The following MEF2A variants were observed in gnomAD, a reference collection of about 807,000 sequenced individuals.
The protein encoded by MEF2A is myocyte-specific enhancer factor 2A.
A neutral mutation model predicts 55.8 loss-of-function variants in MEF2A; 28 were observed. That is an observed-to-expected ratio of 0.50 (90% CI 0.37 to 0.69). The LOEUF is 0.69. Among genes scored for constraint, MEF2A ranks in the 30% least tolerant of loss-of-function variants. The pLI is 0.00. For missense variants in MEF2A, 528 were observed against 626.2 expected, an observed-to-expected ratio of 0.84 and a Z score of 1.67; for synonymous variants, 239 against 227.1, an observed-to-expected ratio of 1.05 and a Z score of -0.47.
At chr15:99,688,808 T>C (rs187761950) in intron 7 of MEF2A, among the ~76,000 whole-genome samples, 210 of 152,236 alleles carry the variant, frequency 1.4e-3, no homozygotes, top group Middle Eastern at 3.4e-3. Context: ...AGGCACAGTT[T>C]AGGGAATGTG....
intron 8 of MEF2A, among the ~76,000 whole-genome samples, chr15:99,695,518 C>T (rs373164316): frequency 1.6e-5 from 2 of 127,592 alleles, no homozygotes; most frequent in Non-Finnish European, 3.5e-5. Flanking sequence ...GGTGAGAAAG[C>T]GTCAGTTAAA....
At chr15:99,663,931 C>T (rs1484545165) in intron 4 of MEF2A, among the ~76,000 whole-genome samples, 2 of 152,118 alleles carry the variant, frequency 1.3e-5, no homozygotes, top group South Asian at 2.1e-4. Context: ...CAAGTGGTAA[C>T]ATATACCCAG....
chr15:99,664,444 C>T (rs1438374678), intron 4 of MEF2A, among the ~76,000 whole-genome samples: 1 of 152,064 alleles, frequency 6.6e-6, no homozygotes, highest in Non-Finnish European at 1.5e-5. Flanking sequence ...GCAAGCACAA[C>T]TGATAATCTT....
intron 2 of MEF2A, among the ~76,000 whole-genome samples, chr15:99,622,595 A>T (rs1179952651): frequency 1.3e-5 from 2 of 152,142 alleles, no homozygotes; most frequent in Non-Finnish European, 2.9e-5. Context: ...TTAACATAGA[A>T]TTTACCACTT....
intron 7 of MEF2A, among the ~76,000 whole-genome samples, chr15:99,689,326 G>A (rs2054907622): frequency 6.6e-6 from 1 of 152,244 alleles, no homozygotes; most frequent in South Asian, 2.1e-4. Context: ...CAGTTAAGAA[G>A]CTGCTCTGAT....
intron 8 of MEF2A, 42 bp from the exon 9 acceptor site, chr15:99,703,320 A>G: frequency 6.2e-7 from 1 of 1,607,072 alleles, no homozygotes; most frequent in African/African-American, 1.3e-5. Context: ...GAGTACCAAC[A>G]GTCTTAGTAA....
intron 5 of MEF2A, among the ~76,000 whole-genome samples, chr15:99,672,913 G>C (rs959051117): frequency 6.6e-6 from 1 of 152,156 alleles, no homozygotes; most frequent in Non-Finnish European, 1.5e-5. Context: ...CATGTCATAG[G>C]TCTTGGCTCC....
chr15:99,624,156 T>A (rs1350669271), intron 2 of MEF2A, among the ~76,000 whole-genome samples: 1 of 152,224 alleles, frequency 6.6e-6, no homozygotes, highest in African/African-American at 2.4e-5. Flanking sequence ...ACTCTGTTGA[T>A]AGTGCCGTTT....
chr15:99,575,754 A>G (rs545321563), intron 1 of MEF2A, among the ~76,000 whole-genome samples: 108 of 152,302 alleles, frequency 7.1e-4, no homozygotes, highest in African/African-American at 2.5e-3. Flanking sequence ...GTGTTTTTCT[A>G]ACCATCGTTC....
intron 2 of MEF2A, among the ~76,000 whole-genome samples, chr15:99,626,653 T>C (rs2042098327): frequency 6.6e-6 from 1 of 152,216 alleles, no homozygotes; most frequent in Admixed American, 6.5e-5. Context: ...TAGAATCAGC[T>C]TATCAATTTC....
chr15:99,642,407 C>T (rs1391267976), intron 3 of MEF2A, among the ~76,000 whole-genome samples: 2 of 152,024 alleles, frequency 1.3e-5, no homozygotes, highest in Non-Finnish European at 2.9e-5. Context: ...TTGCTAAATG[C>T]TCTGGGCTTT....
At chr15:99,689,768 A>G (rs1436298684) in intron 7 of MEF2A, among the ~76,000 whole-genome samples, 1 of 152,240 alleles carries the variant, frequency 6.6e-6, no homozygotes, top group Non-Finnish European at 1.5e-5. Flanking sequence ...GGCGTGAGCC[A>G]CTGCACCTGG....
intron 7 of MEF2A, among the ~76,000 whole-genome samples, chr15:99,675,797 G>A (rs2051880432): frequency 6.6e-6 from 1 of 152,160 alleles, no homozygotes; most frequent in Non-Finnish European, 1.5e-5. Context: ...CAGCACTTTG[G>A]GAGGACGAGG....
intron 3 of MEF2A, among the ~76,000 whole-genome samples, chr15:99,644,109 C>T (rs958475181): frequency 6.6e-6 from 1 of 152,136 alleles, no homozygotes; most frequent in Non-Finnish European, 1.5e-5. Context: ...TCATATAATA[C>T]GTGGAGTATT....
chr15:99,649,297 A>G (rs2046460363), intron 4 of MEF2A, among the ~76,000 whole-genome samples: 1 of 152,198 alleles, frequency 6.6e-6, no homozygotes, highest in Non-Finnish European at 1.5e-5. Flanking sequence ...AGAGATTGCC[A>G]TTAGGGTAAG....
intron 2 of MEF2A, among the ~76,000 whole-genome samples, chr15:99,608,276 T>G (rs1040372388): frequency 6.6e-6 from 1 of 152,214 alleles, no homozygotes; most frequent in African/African-American, 2.4e-5. Context: ...TCACTGTGAA[T>G]GTAAGGTACT....
chr15:99,649,700 G>A (rs2046529653), intron 4 of MEF2A, among the ~76,000 whole-genome samples: 1 of 152,032 alleles, frequency 6.6e-6, no homozygotes, highest in Admixed American at 6.6e-5. Context: ...ACTACAGATG[G>A]AAATTACCAA....
At chr15:99,660,019 A>G (rs2048363103) in intron 4 of MEF2A, among the ~76,000 whole-genome samples, 1 of 152,212 alleles carries the variant, frequency 6.6e-6, no homozygotes, top group African/African-American at 2.4e-5. Flanking sequence ...CCTTCCAAAG[A>G]ATAGTAAAAA....
chr15:99,631,284 C>A (rs1013032942), intron 2 of MEF2A, among the ~76,000 whole-genome samples: 1 of 152,160 alleles, frequency 6.6e-6, no homozygotes, highest in Non-Finnish European at 1.5e-5. Flanking sequence ...CTCTTGCCTA[C>A]TACAGTACAA....
Sources: allele counts gnomAD v4.1 joint callset (sites outside exome capture counted in the v4.1 genomes callset), GRCh38; gene constraint gnomAD v4.1.1; transcripts MANE v1.5; gene names NCBI Gene and HGNC (gene_info 2026-07-23, HGNC 2026-07-21).